The following KLF12 variants were observed in gnomAD, a reference collection of about 807,000 sequenced individuals.
KLF12 encodes the protein Krueppel-like factor 12.
KLF12 carries 9 observed loss-of-function variants against 37.8 expected under a neutral mutation model. The ratio of observed to expected loss-of-function variants is 0.24; its 90% CI spans 0.14 to 0.42. The LOEUF (loss-of-function observed/expected upper bound fraction) is 0.42, where lower values mean the gene tolerates loss of function less well. Among genes scored for constraint, KLF12 ranks in the 10% least tolerant of loss-of-function variants. The probability of loss-of-function intolerance (pLI) is 1.00; values close to 1 mark genes in which losing one functional copy is unlikely to be tolerated. For missense variants in KLF12, 411 were observed against 516.0 expected (o/e 0.80, Z 1.97); for synonymous variants, 208 against 202.1 (o/e 1.03, Z -0.25).
intron 6 of KLF12, among the ~76,000 whole-genome samples, chr13:73,764,527 A>C (rs1486600068): frequency 6.6e-6 from 1 of 152,106 alleles, no homozygotes; most frequent in Non-Finnish European, 1.5e-5. Flanking sequence ...GGAAAAAAAA[A>C]ATCACTGAGT....
At chr13:74,222,631 A>G in the KLF12 span, among the ~76,000 whole-genome samples, 19 of 152,220 alleles carry the variant, frequency 1.2e-4, no homozygotes, top group Admixed American at 1.2e-3. Flanking sequence ...CAATGCTGAA[A>G]CAGTCATAAT....
At chr13:73,743,512 A>G (rs1878149526) in intron 6 of KLF12, among the ~76,000 whole-genome samples, 2 of 152,200 alleles carry the variant, frequency 1.3e-5, no homozygotes, top group Non-Finnish European at 1.5e-5. Context: ...TTACTATACA[A>G]TTACATAACA....
the KLF12 span, among the ~76,000 whole-genome samples, chr13:74,159,575 G>T: frequency 6.6e-6 from 1 of 152,188 alleles, no homozygotes; most frequent in African/African-American, 2.4e-5. Flanking sequence ...GAGTAACTGA[G>T]AAATATTTTT....
intron 6 of KLF12, among the ~76,000 whole-genome samples, chr13:73,722,184 G>GAC (rs1196651353): frequency 6.6e-6 from 1 of 152,150 alleles, no homozygotes; most frequent in East Asian, 1.9e-4. Context: ...TAGGTAGAAT[G>GAC]ACTTCTTTGT....
chr13:74,120,461 CA>C (rs990727938), intron 1 of KLF12, among the ~76,000 whole-genome samples: 2 of 151,800 alleles, frequency 1.3e-5, no homozygotes, highest in African/African-American at 4.8e-5. Context: ...GCCTGGGTGG[CA>C]GAGCGAGACT....
chr13:73,804,008 CTGG>C (rs1017680073), intron 5 of KLF12, among the ~76,000 whole-genome samples: 4 of 152,172 alleles, frequency 2.6e-5, no homozygotes, highest in African/African-American at 9.7e-5. Context: ...TTAAAACCCA[CTGG>C]TGGGTTGGGT....
At chr13:74,285,382 G>A in the KLF12 span, among the ~76,000 whole-genome samples, 1 of 152,106 alleles carries the variant, frequency 6.6e-6, no homozygotes, top group Non-Finnish European at 1.5e-5. Flanking sequence ...TAGAAAATAG[G>A]CCTGTAGACA....
intron 1 of KLF12, among the ~76,000 whole-genome samples, chr13:74,112,104 C>G (rs951018801): frequency 6.6e-6 from 1 of 152,120 alleles, no homozygotes; most frequent in Non-Finnish European, 1.5e-5. Context: ...ACCTATGGAC[C>G]AAACAGAGCC....
chr13:74,296,705 C>T, the KLF12 span, among the ~76,000 whole-genome samples: 2 of 152,144 alleles, frequency 1.3e-5, no homozygotes, highest in Non-Finnish European at 2.9e-5. Flanking sequence ...AATACTTGCA[C>T]AGGAGATCCT....
chr13:73,952,269 C>A (rs1390321596), intron 2 of KLF12, among the ~76,000 whole-genome samples: 1 of 152,194 alleles, frequency 6.6e-6, no homozygotes, highest in East Asian at 1.9e-4. Flanking sequence ...CACAGTTCCA[C>A]AGGCTTGTAC....
chr13:73,889,155 T>C (rs1887375886), intron 3 of KLF12, among the ~76,000 whole-genome samples: 2 of 152,026 alleles, frequency 1.3e-5, no homozygotes, highest in Admixed American at 6.6e-5. Context: ...GATTGGAGAG[T>C]TGGGTAGAGA....
intron 2 of KLF12, among the ~76,000 whole-genome samples, chr13:73,946,408 CAG>C (rs1276365099): frequency 6.6e-6 from 1 of 152,136 alleles, no homozygotes; most frequent in Non-Finnish European, 1.5e-5. Context: ...GGAAGCTAAC[CAG>C]AGTCTTTGAA....
chr13:73,744,582 G>T (rs1402010344), intron 6 of KLF12, among the ~76,000 whole-genome samples: 4 of 151,866 alleles, frequency 2.6e-5, no homozygotes, highest in Non-Finnish European at 5.9e-5. Flanking sequence ...GGGGGGTTGT[G>T]GGGGGTGGCA....
In KLF12 at chr13:74,112,642, A is replaced by C. The variant is rs116681866; in HGVS notation, c.-32+21097T>G. ...AAACCCTGACCTTCTAAGACAGTGA[A>C]CTTGATAAATAGATGTTGTGTGTGT... On this transcript the variant is annotated intron_variant, in intron 1 of 7. Coordinates refer to ENST00000377669, the MANE Select transcript of KLF12 (RefSeq NM_007249.5). 2.6e-3 allele frequency among the ~76,000 whole-genome samples: 392 copies of C among 152,300 alleles called. 5 individuals carry two copies. Among genetic ancestry groups the C allele is most frequent in the African/African-American group, 8.5e-3 (353 of 41,564 alleles).
chr13:74,101,319 C>T (rs1403827128), intron 1 of KLF12, among the ~76,000 whole-genome samples: 1 of 152,152 alleles, frequency 6.6e-6, no homozygotes, highest in African/African-American at 2.4e-5. Flanking sequence ...GTGTAATTCC[C>T]ATGCGCTTGC....
At chr13:74,075,007 C>T (rs1874486204) in intron 1 of KLF12, among the ~76,000 whole-genome samples, 1 of 152,118 alleles carries the variant, frequency 6.6e-6, no homozygotes, top group Admixed American at 6.6e-5. Flanking sequence ...TCTGCCAACT[C>T]AAATGTAAGA....
intron 5 of KLF12, among the ~76,000 whole-genome samples, chr13:73,774,916 CTTTTTTTTTT>C (rs59877053): frequency 7.7e-6 from 1 of 130,386 alleles, no homozygotes; most frequent in South Asian, 2.4e-4. Flanking sequence ...CTCTCGCATT[CTTTTTTTTTT>C]TTTTTTTTTA....
At chr13:73,813,308 T>A in intron 4 of KLF12, 21 bp from the exon 5 acceptor site, 1 of 1,613,444 alleles carries the variant, frequency 6.2e-7, no homozygotes, top group Non-Finnish European at 8.5e-7. Flanking sequence ...AAGGCATATA[T>A]AATGAATTAA....
At chr13:73,756,627 G>A (rs1200607885) in intron 6 of KLF12, among the ~76,000 whole-genome samples, 1 of 152,124 alleles carries the variant, frequency 6.6e-6, no homozygotes, top group Non-Finnish European at 1.5e-5. Context: ...GTAATTTAAA[G>A]GTAGGGCAAA....
Sources: allele counts gnomAD v4.1 joint callset (sites outside exome capture counted in the v4.1 genomes callset), GRCh38; gene constraint gnomAD v4.1.1; transcripts MANE v1.5; gene names NCBI Gene and HGNC (gene_info 2026-07-23, HGNC 2026-07-21).